SLC45A4: variants seen among roughly 807,000 people sequenced by gnomAD.
SLC45A4 encodes the protein solute carrier family 45 member 4.
A neutral mutation model predicts 63.7 loss-of-function variants in SLC45A4; 32 were observed. The ratio of observed to expected loss-of-function variants is 0.50; its 90% CI spans 0.38 to 0.67. SLC45A4 has a LOEUF of 0.67. Among genes scored for constraint, SLC45A4 ranks in the 30% least tolerant of loss-of-function variants. SLC45A4 has a pLI of 0.00. For missense variants in SLC45A4, 1,027 were observed against 1,157.7 expected (o/e 0.89, Z 1.64); for synonymous variants, 535 against 510.0 (o/e 1.05, Z -0.66).
intron 1 of SLC45A4, among the ~76,000 whole-genome samples, chr8:141,290,711 C>T (rs535491729): frequency 6.6e-6 from 1 of 152,370 alleles, no homozygotes; most frequent in African/African-American, 2.4e-5. Context: ...AGGTCAAGCA[C>T]GTTGTCCTTG....
rs114641401 is a variant in SLC45A4, at chr8:141,295,497, G to A, written c.-401+12599C>T. 1.8e-3 allele frequency among the ~76,000 whole-genome samples: 277 copies of A among 152,334 alleles called. 1 individual carries two copies. The highest frequency in any genetic ancestry group is 6.2e-3 in the African/African-American group (256 of 41,580). On this transcript the variant is annotated intron_variant, in intron 1 of 8. Transcript: ENST00000517878. ...AGTTTAAGTGTTATCAGGAACTACC[G>A]CACTCAGCAGGGGACAGGTATAAGG... is the stretch of plus-strand genomic sequence containing the variant.
chr8:141,241,190 A>T (rs950551314), intron 2 of SLC45A4, among the ~76,000 whole-genome samples: 3 of 152,262 alleles, frequency 2.0e-5, no homozygotes, highest in Non-Finnish European at 2.9e-5. Context: ...CAGCGTCACA[A>T]ACGGCCAGGC....
chr8:141,266,131 C>A (rs1829254682), intron 1 of SLC45A4, among the ~76,000 whole-genome samples: 1 of 152,228 alleles, frequency 6.6e-6, no homozygotes, highest in Non-Finnish European at 1.5e-5. Context: ...TCAACAGCGA[C>A]AGGAGAATTC....
At chr8:141,230,082 C>A in intron 2 of SLC45A4, 1 of 456,262 alleles carries the variant, frequency 2.2e-6, no homozygotes, top group South Asian at 1.5e-5. Context: ...TACTTACTCT[C>A]GGTAAATGAA....
chr8:141,272,499 C>G (rs1427400559), intron 1 of SLC45A4, among the ~76,000 whole-genome samples: 1 of 152,206 alleles, frequency 6.6e-6, no homozygotes, highest in Non-Finnish European at 1.5e-5. Flanking sequence ...CCACAGTACC[C>G]GCTGTCAGTA....
In SLC45A4 at chr8:141,278,586, GGA is replaced by G. The variant is rs540264506; in HGVS notation, c.-400-23959_-400-23958del. ...AGTGGAGGTGGGGCGGGCAGCCGAAGGAGAGACAGGCCTCTGCCCCCTAGCCA... is the reference window on the plus strand; with the variant it reads ...AGTGGAGGTGGGGCGGGCAGCCGAAGGAGACAGGCCTCTGCCCCCTAGCCA... On this transcript the variant is annotated intron_variant, in intron 1 of 8. Coordinates refer to ENST00000517878, the MANE Select transcript of SLC45A4 (RefSeq NM_001286646.2). This position sits in a 1 kb window ranked among gnomAD's most constrained non-coding sequence, Gnocchi z 4.1. Among the ~76,000 whole-genome samples the G allele has an allele frequency of 3.5e-3, 527 of 152,342 alleles. 7 individuals carry two copies. The highest frequency in any genetic ancestry group is 0.012 in the African/African-American group (504 of 41,568).
intron 2 of SLC45A4, among the ~76,000 whole-genome samples, chr8:141,237,363 G>C (rs572881321): frequency 6.6e-6 from 1 of 152,042 alleles, no homozygotes; most frequent in Admixed American, 6.6e-5. Context: ...ACATGCCACA[G>C]TCTCCCCACC....
Position 141,254,497 on chromosome 8 carries a change from T to G in SLC45A4, c.-268A>C. 2.9e-6 allele frequency: 2 copies of G among 686,560 alleles called. No homozygotes were observed. The highest frequency in any genetic ancestry group is 5.3e-6 in the Non-Finnish European group (2 of 375,402). The allele number at this position is 686,560 out of a possible 1,614,324, so 42.5% of individuals were successfully genotyped here. On this transcript the variant is annotated 5_prime_UTR_variant, in exon 2 of 9. Coordinates refer to ENST00000517878, the MANE Select transcript of SLC45A4 (RefSeq NM_001286646.2). This position sits in a 1 kb window ranked among gnomAD's most constrained non-coding sequence, Gnocchi z 4.5. ...GTGAATTAGAGTTAAAAATCCATAA[T>G]TGCCATTCAGTTAATACCAGTTTCA...
At chr8:141,305,264 G>A (rs571857886) in intron 1 of SLC45A4, among the ~76,000 whole-genome samples, 40 of 152,232 alleles carry the variant, frequency 2.6e-4, no homozygotes, top group African/African-American at 8.7e-4. Flanking sequence ...AGGTGCAGCC[G>A]CTCAGGTCCT....
At chr8:141,235,704 G>A (rs376066750) in intron 2 of SLC45A4, among the ~76,000 whole-genome samples, 194 of 152,272 alleles carry the variant, frequency 1.3e-3, no homozygotes, top group African/African-American at 4.1e-3. Context: ...AAACCATGCC[G>A]TCAAAACATA....
intron 1 of SLC45A4, among the ~76,000 whole-genome samples, chr8:141,277,646 A>ATT (rs533708800): frequency 2.7e-5 from 4 of 147,788 alleles, no homozygotes; most frequent in Admixed American, 6.7e-5. Flanking sequence ...ATCTTTAAAC[A>ATT]TTTTTTTTTT....
Position 141,229,855 on chromosome 8 carries a change from G to A in SLC45A4, c.242-8090C>T, listed in dbSNP as rs72614016. Among the ~76,000 whole-genome samples the A allele has an allele frequency of 3.9e-5, 6 of 151,994 alleles. No homozygotes were observed. Among genetic ancestry groups the A allele is most frequent in the Non-Finnish European group, 7.4e-5 (5 of 68,008 alleles). On this transcript the variant is annotated intron_variant, in intron 2 of 8. Coordinates refer to ENST00000517878, the MANE Select transcript of SLC45A4 (RefSeq NM_001286646.2). The surrounding 1 kb of genome is among the most constrained non-coding windows in gnomAD (Gnocchi z 5.0). ...CTTTGGAGCAGCTTGGGCTTTGAAC[G>A]TGCTGCCCTGCATGTAAAGGGGCAC...
chr8:141,290,341 A>T (rs183675044), intron 1 of SLC45A4, among the ~76,000 whole-genome samples: 1 of 149,280 alleles, frequency 6.7e-6, no homozygotes, highest in Non-Finnish European at 1.5e-5. Flanking sequence ...CGGCCCTCCC[A>T]CTCAGGCTGG....
chr8:141,262,162 A>G (rs543515177), intron 1 of SLC45A4, among the ~76,000 whole-genome samples: 130 of 151,698 alleles, frequency 8.6e-4, no homozygotes, highest in Non-Finnish European at 1.5e-3. Flanking sequence ...CTGGCTAGCC[A>G]TATGTAGAAA....
At chr8:141,219,917 C>G in intron 3 of SLC45A4, 88 bp from the exon 4 acceptor site, 3 of 1,291,322 alleles carry the variant, frequency 2.3e-6, no homozygotes, top group Non-Finnish European at 3.1e-6. Flanking sequence ...AAGGGGCATG[C>G]GGAGGGGGCA....
intron 2 of SLC45A4, among the ~76,000 whole-genome samples, chr8:141,223,935 T>C (rs985653980): frequency 6.6e-5 from 10 of 152,104 alleles, no homozygotes; most frequent in African/African-American, 2.4e-4. Context: ...AGCAGTCCTC[T>C]TTCCTTTCTG....
In SLC45A4 at chr8:141,218,464, T is replaced by C. The variant is rs2154614034; in HGVS notation, c.1176A>G (p.Lys392=). 1 of 1,613,012 alleles carries C rather than the reference T, an allele frequency of 6.2e-7. No homozygotes were observed. The highest frequency in any genetic ancestry group is 8.5e-7 in the Non-Finnish European group (1 of 1,179,930). ...CCCTGGTGTAGCCGCCGAGGGCGTC[T>C]TTTGTGGGGGAGCCACTTCCGTTTG... is the stretch of plus-strand genomic sequence containing the variant. The part of the protein sequence containing the change: ...KVPNGSGSPT[K]DALGGYTRVD... The change falls in exon 5 of 9, where the codon AAA becomes AAG. Residue 392 remains lysine (K), a synonymous_variant. Coordinates refer to ENST00000517878, the MANE Select transcript of SLC45A4 (RefSeq NM_001286646.2).
rs192774770 is a variant in SLC45A4 at position 141,281,318 on chromosome 8, G to A, written c.-400-26689C>T. ...CACGCCACCGTACTCCAGCCTGGGT[G>A]ACAGAGCAAGACTCCATCTCAAAAA... On this transcript the variant is annotated intron_variant, in intron 1 of 8. Coordinates refer to ENST00000517878, the MANE Select transcript of SLC45A4 (RefSeq NM_001286646.2). Among the ~76,000 whole-genome samples, 682 of 152,286 alleles carry A rather than the reference G, an allele frequency of 4.5e-3. 3 individuals are homozygous for A. The highest frequency in any genetic ancestry group is 0.014 in the Middle Eastern group (4 of 294).
intron 2 of SLC45A4, among the ~76,000 whole-genome samples, chr8:141,249,509 C>A (rs943926363): frequency 6.6e-6 from 1 of 152,196 alleles, no homozygotes; most frequent in African/African-American, 2.4e-5. Flanking sequence ...AATTCCCGAA[C>A]AGGCAGCACC....
Sources: allele counts gnomAD v4.1 joint callset (sites outside exome capture counted in the v4.1 genomes callset), GRCh38; gene constraint gnomAD v4.1.1; non-coding constraint Gnocchi (gnomAD v3.1); transcripts MANE v1.5; gene names NCBI Gene and HGNC (gene_info 2026-07-23, HGNC 2026-07-21).